The following CADM2 variants were observed in gnomAD, a reference collection of about 807,000 sequenced individuals.
CADM2 encodes cell adhesion molecule 2, also known as immunoglobulin superfamily member 4D.
CADM2 carries 12 observed loss-of-function variants against 49.8 expected under a neutral mutation model. The observed-to-expected ratio is 0.24, with a 90% CI of 0.15 to 0.39. CADM2 has a LOEUF of 0.39. CADM2 is among the 10% of genes least tolerant of loss of function. CADM2 has a pLI of 1.00. For synonymous variants in CADM2, 214 were observed against 175.4 expected, an observed-to-expected ratio of 1.22 and a Z score of -1.74; for missense variants, 378 against 492.3, an observed-to-expected ratio of 0.77 and a Z score of 2.20.
chr3:85,718,450 T>G (rs1190143289), intron 1 of CADM2, among the ~76,000 whole-genome samples: 1 of 152,092 alleles, frequency 6.6e-6, no homozygotes, highest in Non-Finnish European at 1.5e-5. Context: ...GAGGCATGAG[T>G]TTAAGTTCTA....
chr3:85,319,415 C>T (rs1311712148), intron 1 of CADM2, among the ~76,000 whole-genome samples: 1 of 152,134 alleles, frequency 6.6e-6, no homozygotes, highest in African/African-American at 2.4e-5. Flanking sequence ...ACCAGAACTA[C>T]CGTTCGACTT....
Position 85,170,801 on chromosome 3 carries a change from A to G in CADM2, c.61+211133A>G, listed in dbSNP as rs770912145. 1.2e-4 allele frequency among the ~76,000 whole-genome samples: 19 copies of G among 152,320 alleles called. No individual in the cohort carries two copies. The Middle Eastern group carries it at 0.01, about 82-fold the overall frequency. On this transcript the variant is annotated intron_variant, in intron 1 of 9. Transcript: ENST00000383699. ...GCTCTCACTAAACCCATTTACTTGA[A>G]TAACTTGGTTGTGAGAGTCTTGGTT...
At chr3:85,648,672 T>G (rs2064960116) in intron 1 of CADM2, among the ~76,000 whole-genome samples, 1 of 152,050 alleles carries the variant, frequency 6.6e-6, no homozygotes. Context: ...ATTAATGTTA[T>G]AGTCCTAAGA....
At chr3:85,571,139 T>A (rs1223628305) in intron 1 of CADM2, among the ~76,000 whole-genome samples, 1 of 152,198 alleles carries the variant, frequency 6.6e-6, no homozygotes, top group Non-Finnish European at 1.5e-5. Context: ...TACTTCTGTT[T>A]CTATCATCCT....
At chr3:85,650,480 A>T (rs537022575) in intron 1 of CADM2, among the ~76,000 whole-genome samples, 1 of 150,070 alleles carries the variant, frequency 6.7e-6, no homozygotes, top group Admixed American at 6.7e-5. Context: ...GGGTGTTTGT[A>T]TACAGATATT....
chr3:85,228,719 AGTT>A (rs2042217145), intron 1 of CADM2, among the ~76,000 whole-genome samples: 1 of 152,040 alleles, frequency 6.6e-6, no homozygotes, highest in Non-Finnish European at 1.5e-5. Context: ...TGCACCCGCC[AGTT>A]GCCAGCTAGA....
intron 1 of CADM2, among the ~76,000 whole-genome samples, chr3:85,344,288 G>T (rs1245943965): frequency 6.6e-6 from 1 of 151,808 alleles, no homozygotes; most frequent in African/African-American, 2.4e-5. Context: ...GGCTAAGGCA[G>T]GAGAATTGCT....
intron 1 of CADM2, among the ~76,000 whole-genome samples, chr3:85,203,429 C>A (rs539140831): frequency 4.6e-5 from 7 of 152,054 alleles, no homozygotes; most frequent in African/African-American, 1.7e-4. Context: ...GTTGGTGGAG[C>A]ATCAGAACAC....
At chr3:85,210,875 A>T (rs1294746198) in intron 1 of CADM2, among the ~76,000 whole-genome samples, 1 of 152,108 alleles carries the variant, frequency 6.6e-6, no homozygotes, top group Admixed American at 6.6e-5. Context: ...TACTTCATTA[A>T]ATGTTTGGTA....
chr3:85,868,236 C>A (rs2075794834), intron 3 of CADM2, among the ~76,000 whole-genome samples: 1 of 151,924 alleles, frequency 6.6e-6, no homozygotes, highest in Non-Finnish European at 1.5e-5. Context: ...TCCTTCTGTT[C>A]TATTTTCAAT....
intron 1 of CADM2, among the ~76,000 whole-genome samples, chr3:85,504,553 C>G (rs2040242969): frequency 1.3e-5 from 2 of 152,190 alleles, no homozygotes; most frequent in African/African-American, 2.4e-5. Flanking sequence ...TTTACAATGC[C>G]TGAGTTAGAC....
chr3:85,691,046 C>T lies in CADM2; in HGVS notation c.62-35476C>T, dbSNP rs184113565. Among the ~76,000 whole-genome samples the T allele has an allele frequency of 4.6e-5, 7 of 152,200 alleles. No individual in the cohort carries two copies. In the East Asian group the frequency reaches 9.7e-4, roughly 21 times the overall value. On this transcript the variant is annotated intron_variant, in intron 1 of 9. Coordinates refer to ENST00000383699, the MANE Select transcript of CADM2 (RefSeq NM_001167675.2). Reference sequence around the variant, plus strand: ...TTCTATCTAATTGTAACTTTATACCCGTTGACCAATCTCTCCCTACTCTGC... The same window carrying T: ...TTCTATCTAATTGTAACTTTATACCTGTTGACCAATCTCTCCCTACTCTGC...
intron 1 of CADM2, among the ~76,000 whole-genome samples, chr3:85,564,581 G>T (rs2062199677): frequency 6.6e-6 from 1 of 152,016 alleles, no homozygotes; most frequent in Admixed American, 6.6e-5. Context: ...ATATGTAATA[G>T]ATTTATGTTC....
chr3:85,467,596 A>C (rs1474781226), intron 1 of CADM2, among the ~76,000 whole-genome samples: 1 of 151,220 alleles, frequency 6.6e-6, no homozygotes, highest in Non-Finnish European at 1.5e-5. Context: ...AGGACATAAA[A>C]ATTAAAAGGC....
chr3:85,674,985 A>G (rs2065851254), intron 1 of CADM2, among the ~76,000 whole-genome samples: 1 of 152,292 alleles, frequency 6.6e-6, no homozygotes, highest in South Asian at 2.1e-4. Flanking sequence ...TGAGTATAGA[A>G]AAAGCACACA....
chr3:85,462,366 CA>C lies in CADM2; in HGVS notation c.62-264154del, dbSNP rs557443923. Among the ~76,000 whole-genome samples, 524 of 152,270 alleles carry C rather than the reference CA, an allele frequency of 3.4e-3. 4 individuals are homozygous for C. Among genetic ancestry groups the C allele is most frequent in the African/African-American group, 0.012 (498 of 41,552 alleles). On this transcript the variant is annotated intron_variant, in intron 1 of 9. Coordinates refer to ENST00000383699, the MANE Select transcript of CADM2 (RefSeq NM_001167675.2). ...TTCTAACTGCACACCAAGACTATGA[CA>C]ATTCCATTAAGCGGTATTTCTTGAG...
chr3:85,066,359 G>T (rs1431380742), intron 1 of CADM2, among the ~76,000 whole-genome samples: 1 of 148,968 alleles, frequency 6.7e-6, no homozygotes, highest in Non-Finnish European at 1.5e-5. Context: ...CCAACTAGGG[G>T]TAAAATGCTG....
intron 6 of CADM2, among the ~76,000 whole-genome samples, chr3:85,934,243 C>G (rs192179354): frequency 1.3e-5 from 2 of 152,068 alleles, no homozygotes; most frequent in Admixed American, 1.3e-4. Flanking sequence ...TCAGTTTGAC[C>G]AGAACAGTCT....
At chr3:85,799,670 G>C (rs1245140386) in intron 2 of CADM2, among the ~76,000 whole-genome samples, 1 of 152,138 alleles carries the variant, frequency 6.6e-6, no homozygotes, top group Non-Finnish European at 1.5e-5. Flanking sequence ...GATTTTGCTG[G>C]TGGTTCACTC....
Sources: gnomAD v4.1 joint callset for allele counts (sites outside exome capture counted in the v4.1 genomes callset) on GRCh38, gnomAD v4.1.1 for gene constraint, MANE v1.5 for transcripts, NCBI Gene and HGNC (gene_info 2026-07-23, HGNC 2026-07-21) for gene names.